The following TMEM154 variants were observed in gnomAD, a reference collection of about 807,000 sequenced individuals.
The protein encoded by TMEM154 is transmembrane protein 154.
Under a neutral mutation model 24.5 loss-of-function variants are expected in TMEM154, and 27 were observed. The ratio of observed to expected loss-of-function variants is 1.10; its 90% CI spans 0.81 to 1.52. The LOEUF (loss-of-function observed/expected upper bound fraction) is 1.52, where lower values mean the gene tolerates loss of function less well. TMEM154 is among the 40% of genes most tolerant of loss of function. The pLI is 0.00. For synonymous variants in TMEM154, 67 were observed against 76.8 expected, an observed-to-expected ratio of 0.87 and a Z score of 0.67; for missense variants, 228 against 213.4, an observed-to-expected ratio of 1.07 and a Z score of -0.43.
intron 6 of TMEM154, among the ~76,000 whole-genome samples, chr4:152,628,819 T>G (rs1373531990): frequency 6.6e-6 from 1 of 150,810 alleles, no homozygotes; most frequent in Non-Finnish European, 1.5e-5. Flanking sequence ...TGTATTTTTT[T>G]TTTTTTTAGT....
chr4:152,659,894 T>C (rs1728564768), intron 1 of TMEM154, among the ~76,000 whole-genome samples: 1 of 152,172 alleles, frequency 6.6e-6, no homozygotes, highest in South Asian at 2.1e-4. Context: ...ATAGAACAAT[T>C]ACAACAATAT....
At chr4:152,660,379 C>T (rs1341026450) in intron 1 of TMEM154, among the ~76,000 whole-genome samples, 1 of 151,218 alleles carries the variant, frequency 6.6e-6, no homozygotes, top group African/African-American at 2.5e-5. Context: ...AGACCCCGCC[C>T]CCCCCTCACT....
At chr4:152,665,305 C>T (rs1383785885) in intron 1 of TMEM154, among the ~76,000 whole-genome samples, 3 of 152,184 alleles carry the variant, frequency 2.0e-5, no homozygotes, top group African/African-American at 7.2e-5. Flanking sequence ...GAAGTTGTGT[C>T]TCACTTCTCT....
intron 1 of TMEM154, among the ~76,000 whole-genome samples, chr4:152,657,718 G>A (rs530366674): frequency 2.2e-4 from 34 of 152,136 alleles, no homozygotes; most frequent in African/African-American, 6.3e-4. Flanking sequence ...CAAGAGAAAC[G>A]CATGTAGTCA....
chr4:152,650,350 A>G (rs1463151167), intron 3 of TMEM154, among the ~76,000 whole-genome samples: 1 of 151,874 alleles, frequency 6.6e-6, no homozygotes, highest in Non-Finnish European at 1.5e-5. Context: ...TGGCATCTTC[A>G]CTAGGAGTAG....
intron 3 of TMEM154, among the ~76,000 whole-genome samples, chr4:152,645,111 C>T (rs1579517109): frequency 1.6e-5 from 1 of 64,510 alleles, no homozygotes; most frequent in Non-Finnish European, 3.1e-5. Context: ...CATTGGTCAA[C>T]CCGTCTGTTT....
chr4:152,625,069 A>G lies in TMEM154; in HGVS notation c.*3477T>C, dbSNP rs1160361235. The G allele has an allele frequency of 6.6e-6, 1 of 151,828 alleles. No individual in the cohort carries two copies. Among genetic ancestry groups the G allele is most frequent in the Non-Finnish European group, 1.5e-5 (1 of 67,902 alleles). The allele number at this position is 151,828 out of a possible 1,614,324, so 9.4% of individuals were successfully genotyped here. A position where few individuals can be genotyped will look rare whatever the true frequency, so the allele number is the denominator to read the frequency against. ...CTGACAGAAGCTGAAACTAAAGCCT[A>G]TGTTTTCTTTAGTCAACATAAGGCC... On this transcript the variant is annotated 3_prime_UTR_variant, in exon 7 of 7. Coordinates refer to ENST00000304385, the MANE Select transcript of TMEM154 (RefSeq NM_152680.3).
At chr4:152,628,821 T>TG in intron 6 of TMEM154, among the ~76,000 whole-genome samples, 1 of 150,900 alleles carries the variant, frequency 6.6e-6, no homozygotes, top group African/African-American at 2.4e-5. Flanking sequence ...TATTTTTTTT[T>TG]TTTTTAGTAG....
chr4:152,647,349 C>T, intron 3 of TMEM154: 2 of 984,894 alleles, frequency 2.0e-6, no homozygotes, highest in African/African-American at 3.5e-5. Flanking sequence ...TCAAATTTTG[C>T]TCATGTAAAT....
chr4:152,657,493 A>G (rs1051663979), intron 1 of TMEM154, among the ~76,000 whole-genome samples: 1 of 152,142 alleles, frequency 6.6e-6, no homozygotes, highest in African/African-American at 2.4e-5. Context: ...TAGCCTCAGC[A>G]ACAGAGCCAG....
At chr4:152,652,406 T>G (rs1728403412) in intron 3 of TMEM154, 132 bp downstream of exon 3, 1 of 1,400,224 alleles carries the variant, frequency 7.1e-7, no homozygotes, top group Non-Finnish European at 9.5e-7. Flanking sequence ...TATTCACTTC[T>G]GGAAAATTTC....
At chr4:152,674,539 C>T (rs1289014659) in intron 1 of TMEM154, among the ~76,000 whole-genome samples, 1 of 152,134 alleles carries the variant, frequency 6.6e-6, no homozygotes, top group African/African-American at 2.4e-5. Flanking sequence ...TCTGGTCTGC[C>T]AGCTTACCCC....
rs1031181623 is a variant in TMEM154, at chr4:152,619,209, A to C, written c.*9337T>G. ...AACCCATTCAGTCCCATGGCTCATG[A>C]CTCATGTAGTTGGTAAAACTAGTTC... On this transcript the variant is annotated 3_prime_UTR_variant, in exon 7 of 7. Coordinates refer to ENST00000304385, the MANE Select transcript of TMEM154 (RefSeq NM_152680.3). 2 of 152,110 alleles carry C rather than the reference A, an allele frequency of 1.3e-5. No homozygotes were observed. The highest frequency in any genetic ancestry group is 1.5e-5 in the Non-Finnish European group (1 of 68,022). 9.4% of individuals were successfully genotyped at this position (152,110 alleles called of 1,614,324 possible). A position where few individuals can be genotyped will look rare whatever the true frequency, so the allele number is the denominator to read the frequency against.
At position 152,626,416 on chromosome 4, in the gene TMEM154, A is replaced by T. The variant is rs982478353; in HGVS notation, c.*2130T>A. 6.6e-6 allele frequency: 1 copy of T among 152,390 alleles called. No individual in the cohort carries two copies. Among genetic ancestry groups the T allele is most frequent in the African/African-American group, 2.4e-5 (1 of 41,462 alleles). The allele number at this position is 152,390 out of a possible 1,614,324, so 9.4% of individuals were successfully genotyped here. ...ATCTATTGATTAAACAGTAATAAAA[A>T]GACACAAGGTACAAGAATTGAGGCT... On this transcript the variant is annotated 3_prime_UTR_variant, in exon 7 of 7. Coordinates refer to ENST00000304385, the MANE Select transcript of TMEM154 (RefSeq NM_152680.3).
intron 6 of TMEM154, among the ~76,000 whole-genome samples, chr4:152,634,973 T>C (rs570597098): frequency 1.3e-5 from 2 of 152,318 alleles, no homozygotes; most frequent in Admixed American, 1.3e-4. Flanking sequence ...TTACTTACAA[T>C]GTGTCTCTCT....
chr4:152,628,282 A>T lies in TMEM154; in HGVS notation c.*264T>A. 1.7e-6 allele frequency: 1 copy of T among 582,886 alleles called. No individual in the cohort carries two copies. Among genetic ancestry groups the T allele is most frequent in the Non-Finnish European group, 3.0e-6 (1 of 333,890 alleles). 36.1% of individuals were successfully genotyped at this position (582,886 alleles called of 1,614,324 possible). A position where few individuals can be genotyped will look rare whatever the true frequency, so the allele number is the denominator to read the frequency against. ...CAACACATGTTGATCAGAAGTGAGC[A>T]CATCACCCGCCTCCTTCTCCACCCT... On this transcript the variant is annotated 3_prime_UTR_variant, in exon 7 of 7. Coordinates refer to ENST00000304385, the MANE Select transcript of TMEM154 (RefSeq NM_152680.3).
intron 1 of TMEM154, among the ~76,000 whole-genome samples, chr4:152,656,072 T>C (rs1480546354): frequency 1.2e-4 from 18 of 152,180 alleles, no homozygotes; most frequent in Admixed American, 1.2e-3. Flanking sequence ...CCCACTCTGC[T>C]GCCACCATCA....
intron 1 of TMEM154, among the ~76,000 whole-genome samples, chr4:152,655,573 C>CGCTGCTG (rs1728474498): frequency 6.6e-6 from 1 of 152,180 alleles, no homozygotes; most frequent in Non-Finnish European, 1.5e-5. Flanking sequence ...CAGCCACCAG[C>CGCTGCTG]GCTGCTGGCT....
At chr4:152,656,991 C>A (rs1291145599) in intron 1 of TMEM154, among the ~76,000 whole-genome samples, 1 of 150,604 alleles carries the variant, frequency 6.6e-6, no homozygotes, top group Admixed American at 6.6e-5. Context: ...TAAAAAAGAA[C>A]CAAACAAATT....
Sources: gnomAD v4.1 joint callset for allele counts (sites outside exome capture counted in the v4.1 genomes callset) on GRCh38, gnomAD v4.1.1 for gene constraint, MANE v1.5 for transcripts, NCBI Gene and HGNC (gene_info 2026-07-23, HGNC 2026-07-21) for gene names.